Variants in STX8 observed in about 807,000 individuals in gnomAD.
STX8 encodes syntaxin 8.
STX8 carries 23 observed loss-of-function variants against 37.5 expected under a neutral mutation model. The observed-to-expected ratio is 0.61, with a 90% CI of 0.44 to 0.87. STX8 has a LOEUF of 0.87. STX8 is among the 40% of genes least tolerant of loss of function. The pLI, the probability that STX8 is intolerant of heterozygous loss-of-function variation, is 0.00. For synonymous variants in STX8, 115 were observed against 99.1 expected, an observed-to-expected ratio of 1.16 and a Z score of -0.95; for missense variants, 313 against 284.7, an observed-to-expected ratio of 1.10 and a Z score of -0.71.
chr17:9,438,534 G>A (rs370373488), intron 6 of STX8, among the ~76,000 whole-genome samples: 30 of 152,204 alleles, frequency 2.0e-4, no homozygotes, highest in Admixed American at 2.6e-4. Context: ...AACATTTTCT[G>A]CAATGGGCCA....
intron 7 of STX8, among the ~76,000 whole-genome samples, chr17:9,306,945 G>A (rs1240037749): frequency 6.6e-6 from 1 of 150,920 alleles, no homozygotes; most frequent in Non-Finnish European, 1.5e-5. Flanking sequence ...CCAACATGGT[G>A]AAACCCCATC....
chr17:9,402,192 T>C (rs1912649562), intron 6 of STX8, among the ~76,000 whole-genome samples: 1 of 152,186 alleles, frequency 6.6e-6, no homozygotes, highest in Non-Finnish European at 1.5e-5. Flanking sequence ...CGATCTCGGC[T>C]CACTGCAACC....
At chr17:9,471,684 A>G (rs952432844) in intron 6 of STX8, among the ~76,000 whole-genome samples, 1 of 152,112 alleles carries the variant, frequency 6.6e-6, no homozygotes, top group Admixed American at 6.5e-5. Flanking sequence ...AACCCCGGGC[A>G]CTGAGTCTCT....
intron 7 of STX8, among the ~76,000 whole-genome samples, chr17:9,311,168 C>T (rs1031945531): frequency 7.4e-5 from 11 of 149,566 alleles, no homozygotes; most frequent in African/African-American, 9.9e-5. Context: ...ACCCAGGAGG[C>T]GAAGGTTGCA....
chr17:9,538,864 T>G (rs1017165941), intron 4 of STX8, among the ~76,000 whole-genome samples: 6 of 146,810 alleles, frequency 4.1e-5, no homozygotes, highest in East Asian at 2.0e-4. Context: ...ATGGTTTTGG[T>G]TTTTTTTTTT....
At chr17:9,378,901 A>C (rs368896434) in intron 6 of STX8, among the ~76,000 whole-genome samples, 1 of 152,184 alleles carries the variant, frequency 6.6e-6, no homozygotes, top group African/African-American at 2.4e-5. Flanking sequence ...CAGAGGAAAG[A>C]AAGCATGACC....
intron 7 of STX8, among the ~76,000 whole-genome samples, chr17:9,345,496 C>T (rs1419884482): frequency 6.6e-6 from 1 of 152,074 alleles, no homozygotes; most frequent in Admixed American, 6.6e-5. Context: ...TTTGTGACTT[C>T]TGGCTTAAAT....
chr17:9,491,697 G>T, intron 6 of STX8, 132 bp downstream of exon 6: 1 of 743,960 alleles, frequency 1.3e-6, no homozygotes, highest in Non-Finnish European at 2.2e-6. Context: ...CCACTCCAAT[G>T]CGTTAAACTG....
At chr17:9,377,943 C>T (rs1244343263) in intron 7 of STX8, 4 of 152,500 alleles carry the variant, frequency 2.6e-5, no homozygotes, top group Admixed American at 1.3e-4. Context: ...AAGTCTGCAT[C>T]AGAATTTCTG....
At chr17:9,367,280 T>C (rs1181824286) in intron 7 of STX8, among the ~76,000 whole-genome samples, 2 of 151,912 alleles carry the variant, frequency 1.3e-5, no homozygotes, top group African/African-American at 4.8e-5. Flanking sequence ...GGCTTCTCAC[T>C]TCCCATTGAG....
intron 5 of STX8, among the ~76,000 whole-genome samples, chr17:9,492,923 G>A (rs1266063750): frequency 1.3e-5 from 2 of 152,014 alleles, no homozygotes; most frequent in African/African-American, 2.4e-5. Flanking sequence ...GTGAAACCCC[G>A]TCTCTACTAA....
rs535030609 is a variant in STX8 at position 9,353,978 on chromosome 17, T to C, written c.643+24574A>G. ...GATTTCTACCTGCTCCTTCTGACTT[T>C]CCTCCTCATCAAAAGCACTCACTTT... On this transcript the variant is annotated intron_variant, in intron 7 of 7. Coordinates refer to ENST00000306357, the MANE Select transcript of STX8 (RefSeq NM_004853.3). 4.6e-5 allele frequency among the ~76,000 whole-genome samples: 7 copies of C among 152,328 alleles called. No individual in the cohort carries two copies. The South Asian group carries it at 1.5e-3, about 32-fold the overall frequency.
intron 6 of STX8, among the ~76,000 whole-genome samples, chr17:9,482,283 C>T (rs1485734909): frequency 6.6e-6 from 1 of 151,922 alleles, no homozygotes; most frequent in African/African-American, 2.4e-5. Flanking sequence ...TTCATCTGTA[C>T]TATTTTTCTG....
chr17:9,253,032 G>A (rs962394222), intron 7 of STX8, among the ~76,000 whole-genome samples: 2 of 152,220 alleles, frequency 1.3e-5, no homozygotes, highest in Non-Finnish European at 1.5e-5. Context: ...TGACCCACCT[G>A]CAGCATCAGT....
At chr17:9,277,383 ATGAG>A (rs1260939161) in intron 7 of STX8, among the ~76,000 whole-genome samples, 3 of 150,286 alleles carry the variant, frequency 2.0e-5, no homozygotes, top group African/African-American at 7.3e-5. Context: ...CAGGGTCTCA[ATGAG>A]TGAGGGCAGG....
intron 4 of STX8, among the ~76,000 whole-genome samples, chr17:9,539,017 G>A (rs754221084): frequency 6.6e-6 from 1 of 152,198 alleles, no homozygotes; most frequent in Non-Finnish European, 1.5e-5. Flanking sequence ...GTTGCACAGA[G>A]ACTTCTTTAA....
chr17:9,280,219 A>C (rs1321167345), intron 7 of STX8, among the ~76,000 whole-genome samples: 1 of 152,168 alleles, frequency 6.6e-6, no homozygotes, highest in Non-Finnish European at 1.5e-5. Context: ...GTAAGATCCT[A>C]TCTCAAAAAA....
intron 7 of STX8, among the ~76,000 whole-genome samples, chr17:9,260,289 C>T (rs1030413449): frequency 1.3e-5 from 2 of 152,048 alleles, no homozygotes; most frequent in Non-Finnish European, 2.9e-5. Context: ...CACCACTGCA[C>T]CTCAGCCTGG....
intron 4 of STX8, among the ~76,000 whole-genome samples, chr17:9,517,162 C>G (rs1905181124): frequency 6.6e-6 from 1 of 152,148 alleles, no homozygotes; most frequent in Non-Finnish European, 1.5e-5. Flanking sequence ...CTCCTTCACC[C>G]CACTCCTCCT....
Sources: allele counts gnomAD v4.1 joint callset (sites outside exome capture counted in the v4.1 genomes callset), GRCh38; gene constraint gnomAD v4.1.1; transcripts MANE v1.5; gene names NCBI Gene and HGNC (gene_info 2026-07-23, HGNC 2026-07-21).